The following PIP4P1 variants were observed in gnomAD, a reference collection of about 807,000 sequenced individuals.
PIP4P1 encodes type 1 phosphatidylinositol 4,5-bisphosphate 4-phosphatase.
In PIP4P1, 14 loss-of-function variants were observed where a neutral mutation model predicts 32.3. That is an observed-to-expected ratio of 0.43 (90% CI 0.29 to 0.68). The LOEUF (loss-of-function observed/expected upper bound fraction) is 0.68, where lower values mean the gene tolerates loss of function less well. PIP4P1 is among the 30% of genes least tolerant of loss of function. The pLI is 0.15. For missense variants in PIP4P1, 289 were observed against 364.5 expected (o/e 0.79, Z 1.69); for synonymous variants, 132 against 137.9 (o/e 0.96, Z 0.30).
At chr14:20,459,758 T>C in intron 3 of PIP4P1, 25 bp from the exon 4 acceptor site, 3 of 1,599,234 alleles carry the variant, frequency 1.9e-6, no homozygotes, top group African/African-American at 1.3e-5. Context: ...AAGACTTGTA[T>C]TTTCAAACTT....
intron 1 of PIP4P1, 168 bp from the exon 2 acceptor site, chr14:20,461,013 G>T: frequency 8.1e-7 from 1 of 1,241,758 alleles, no homozygotes; most frequent in Non-Finnish European, 1.0e-6. Flanking sequence ...CCTAGGCTGT[G>T]GTCGCGATTA....
In PIP4P1 at chr14:20,461,355, G is replaced by A; in HGVS notation, c.-30C>T. The A allele has an allele frequency of 1.6e-6, 2 of 1,263,180 alleles. No homozygotes were observed. The highest frequency in any genetic ancestry group is 3.0e-5 in the East Asian group (1 of 33,394). The allele number at this position is 1,263,180 out of a possible 1,614,324, so 78.2% of individuals were successfully genotyped here. On this transcript the variant is annotated 5_prime_UTR_variant, in exon 1 of 7. Coordinates refer to ENST00000250489, the MANE Select transcript of PIP4P1 (RefSeq NM_144568.4). ...GCCACCGCCGCCTCCCGCTCAGGTCGGCGATCCGGCTCCCTTCGCCTCTGC... is the reference window on the plus strand; with the variant it reads ...GCCACCGCCGCCTCCCGCTCAGGTCAGCGATCCGGCTCCCTTCGCCTCTGC...
At chr14:20,460,564 G>T in intron 2 of PIP4P1, 91 bp downstream of exon 2, 2 of 1,380,842 alleles carry the variant, frequency 1.4e-6, no homozygotes, top group Non-Finnish European at 2.0e-6. Flanking sequence ...AAAAGCACTT[G>T]GCTAATAGCC....
intron 2 of PIP4P1, 32 bp from the exon 3 acceptor site, chr14:20,460,330 C>T (rs1881654075): frequency 1.3e-6 from 2 of 1,505,852 alleles, no homozygotes; most frequent in Non-Finnish European, 1.8e-6. Context: ...AGCAAGCAAA[C>T]CTCTAATCCC....
At position 20,461,396 on chromosome 14, in the gene PIP4P1, C is replaced by G; in HGVS notation, c.-71G>C. On this transcript the variant is annotated 5_prime_UTR_variant, in exon 1 of 7. Transcript: ENST00000250489. ...TCGCCTCTGCCGTCGCCGCAGCCAC[C>G]GCCACCGCCGCCACCGCCACCGCCG... is the stretch of plus-strand genomic sequence containing the variant. The G allele has an allele frequency of 1.6e-6, 2 of 1,218,008 alleles. No homozygotes were observed. Among genetic ancestry groups the G allele is most frequent in the South Asian group, 4.0e-5 (1 of 24,898 alleles). The allele number at this position is 1,218,008 out of a possible 1,614,324, so 75.5% of individuals were successfully genotyped here.
In PIP4P1 at chr14:20,457,882, C is replaced by T; in HGVS notation, c.*677G>A. Reference sequence around the variant, plus strand: ...GTAGAGTCATGACCTTATTTATTTACAAGCACAGGATAAGTCCCTAACCTC... The same window carrying T: ...GTAGAGTCATGACCTTATTTATTTATAAGCACAGGATAAGTCCCTAACCTC... On this transcript the variant is annotated 3_prime_UTR_variant, in exon 7 of 7. Transcript: ENST00000250489. 1 of 351,446 alleles carries T rather than the reference C, an allele frequency of 2.8e-6. No homozygotes were observed. The highest frequency in any genetic ancestry group is 5.5e-6 in the Non-Finnish European group (1 of 183,004). The allele number at this position is 351,446 out of a possible 1,614,324, so 21.8% of individuals were successfully genotyped here. A position where few individuals can be genotyped will look rare whatever the true frequency, so the allele number is the denominator to read the frequency against.
intron 1 of PIP4P1, 127 bp downstream of exon 1, chr14:20,461,057 C>G: frequency 1.6e-6 from 2 of 1,281,834 alleles, no homozygotes; most frequent in Non-Finnish European, 9.9e-7. Flanking sequence ...GTCACAGGTG[C>G]AGCAGTCCCG....
chr14:20,458,214 C>T lies in PIP4P1; in HGVS notation c.*345G>A. Reference sequence around the variant, plus strand: ...GGGGAACCCCCAGGGCTACCCACCCCCACCCTGCCCTGGAATGTGTAAGGG... The same window carrying T: ...GGGGAACCCCCAGGGCTACCCACCCTCACCCTGCCCTGGAATGTGTAAGGG... On this transcript the variant is annotated 3_prime_UTR_variant, in exon 7 of 7. Transcript: ENST00000250489. 1 of 469,638 alleles carries T rather than the reference C, an allele frequency of 2.1e-6. No individual in the cohort carries two copies. Among genetic ancestry groups the T allele is most frequent in the African/African-American group, 2.0e-5 (1 of 50,868 alleles). 29.1% of individuals were successfully genotyped at this position (469,638 alleles called of 1,614,324 possible). A position where few individuals can be genotyped will look rare whatever the true frequency, so the allele number is the denominator to read the frequency against.
At position 20,460,800 on chromosome 14, in the gene PIP4P1, T is replaced by G; in HGVS notation, c.188A>C (p.Glu63Ala). 6.3e-7 allele frequency: 1 copy of G among 1,585,734 alleles called. No homozygotes were observed. The highest frequency in any genetic ancestry group is 1.2e-5 in the South Asian group (1 of 86,858). ...PEGHPAVLPG[E>A]DPPPYSPLTS... ...TAAGGGTGAATAGGGGGGTGGGTCC[T>G]CCCCAGGCAACACGGCTGGATGCCC... Residue 63 changes from glutamate to alanine, a missense_variant, in exon 2 of 7, where the codon GAG (glutamate) becomes GCG (alanine). By Grantham distance (107) the Glu-to-Ala change is moderately radical. Around this residue, in one of 2 missense-constraint regions of PIP4P1, gnomAD observed 108 missense variants for 101.2 expected, o/e 1.07. Transcript: ENST00000250489.
Position 20,460,316 on chromosome 14 carries a change from C to G in PIP4P1, c.334-18G>C. 6.3e-7 allele frequency: 1 copy of G among 1,576,504 alleles called. No individual in the cohort carries two copies. The highest frequency in any genetic ancestry group is 8.7e-7 in the Non-Finnish European group (1 of 1,147,976). ...TTGATTGGCTAGAGAATAATAGGGT[C>G]ATCAGCAAGCAAACCTCTAATCCCA... is the stretch of plus-strand genomic sequence containing the variant. On this transcript the variant is annotated intron_variant, in intron 2 of 6. Transcript: ENST00000250489.
At position 20,461,394 on chromosome 14, in the gene PIP4P1, A is replaced by T; in HGVS notation, c.-69T>A. The T allele has an allele frequency of 8.1e-7, 1 of 1,227,610 alleles. No individual in the cohort carries two copies. The highest frequency in any genetic ancestry group is 1.0e-6 in the Non-Finnish European group (1 of 983,744). The allele number at this position is 1,227,610 out of a possible 1,614,324, so 76.0% of individuals were successfully genotyped here. ...CTTCGCCTCTGCCGTCGCCGCAGCC[A>T]CCGCCACCGCCGCCACCGCCACCGC... On this transcript the variant is annotated 5_prime_UTR_variant, in exon 1 of 7. Coordinates refer to ENST00000250489, the MANE Select transcript of PIP4P1 (RefSeq NM_144568.4).
chr14:20,459,732 T>G lies in PIP4P1; in HGVS notation c.442A>C (p.Lys148Gln). Residue 148 changes from lysine (K) to glutamine (Q), a missense_variant and splice_region_variant, in exon 4 of 7, where the codon AAA becomes CAA. Transcript: ENST00000250489. ...ACAGGCCCCAGGTTGATGATTCTTT[T>G]GCTATACAAAAGAAAAAGACTTGTA... ...QRIACPRPYC[K>Q]RIINLGPVHP... 2 of 1,611,898 alleles carry G rather than the reference T, an allele frequency of 1.2e-6. No individual in the cohort carries two copies.
In PIP4P1 at chr14:20,459,733, G is replaced by A; in HGVS notation, c.441C>T (p.Cys147=). 2.5e-6 allele frequency: 4 copies of A among 1,612,014 alleles called. No individual in the cohort carries two copies. The highest frequency in any genetic ancestry group is 3.4e-6 in the Non-Finnish European group (4 of 1,179,194). The part of the protein sequence containing the change: ...SQRIACPRPY[C]KRIINLGPVH... ...CAGGCCCCAGGTTGATGATTCTTTT[G>A]CTATACAAAAGAAAAAGACTTGTAT... The change falls in exon 4 of 7, where the codon TGC becomes TGT. Residue 147 remains cysteine, a splice_region_variant and synonymous_variant. Transcript: ENST00000250489.
In PIP4P1 at chr14:20,460,793, T is replaced by A; in HGVS notation, c.195A>T (p.Pro65=). Residue 65 remains proline, a synonymous_variant, in exon 2 of 7, where the codon CCA becomes CCT. Coordinates refer to ENST00000250489, the MANE Select transcript of PIP4P1 (RefSeq NM_144568.4). ...GHPAVLPGED[P]PPYSPLTSPD... ...GGCTAGTTAAGGGTGAATAGGGGGG[T>A]GGGTCCTCCCCAGGCAACACGGCTG... 6.3e-6 allele frequency: 10 copies of A among 1,597,540 alleles called. No homozygotes were observed. Among genetic ancestry groups the A allele is most frequent in the Non-Finnish European group, 8.5e-6 (10 of 1,172,666 alleles).
chr14:20,460,584 G>T, intron 2 of PIP4P1, 71 bp downstream of exon 2: 1 of 1,514,524 alleles, frequency 6.6e-7, no homozygotes, highest in Non-Finnish European at 9.0e-7. Context: ...CGGAAGGTCA[G>T]GGTCTAGAAC....
chr14:20,458,761 C>T, intron 6 of PIP4P1, 59 bp from the exon 7 acceptor site: 1 of 1,563,682 alleles, frequency 6.4e-7, no homozygotes, highest in Admixed American at 1.9e-5. Flanking sequence ...GTCTCCACTA[C>T]CTCCTATTAG....
chr14:20,461,421 G>T lies in PIP4P1; in HGVS notation c.-96C>A, dbSNP rs889341249. 1.6e-4 allele frequency: 192 copies of T among 1,193,626 alleles called. No homozygotes were observed. The highest frequency in any genetic ancestry group is 1.9e-4 in the Non-Finnish European group (184 of 953,314). The allele number at this position is 1,193,626 out of a possible 1,614,324, so 73.9% of individuals were successfully genotyped here. On this transcript the variant is annotated 5_prime_UTR_variant, in exon 1 of 7. Transcript: ENST00000250489. The stretch of plus-strand genomic sequence containing the variant: ...CGCCACCGCCGCCACCGCCACCGCC[G>T]CTACCGGGTCCCCAGGGCGCCTGCG...
intron 1 of PIP4P1, 130 bp downstream of exon 1, chr14:20,461,054 G>C: frequency 7.8e-7 from 1 of 1,285,834 alleles, no homozygotes. Context: ...CCAGTCACAG[G>C]TGCAGCAGTC....
Position 20,459,443 on chromosome 14 carries a change from A to G in PIP4P1, c.547-3T>C. The G allele has an allele frequency of 6.2e-7, 1 of 1,614,184 alleles. No individual in the cohort carries two copies. The highest frequency in any genetic ancestry group is 8.5e-7 in the Non-Finnish European group (1 of 1,180,030). The stretch of plus-strand genomic sequence containing the variant: ...GTGCGGTCTGTGAACTCTGTCCACT[A>G]TGGAGAAAGAAAACAAAAATAATAG... On this transcript the variant is annotated splice_region_variant and splice_polypyrimidine_tract_variant and intron_variant, in intron 4 of 6. Transcript: ENST00000250489.
Sources: allele counts gnomAD v4.1 joint callset, GRCh38; gene constraint gnomAD v4.1.1; regional missense constraint gnomAD v4.1.1; transcripts MANE v1.5; gene names NCBI Gene and HGNC (gene_info 2026-07-23, HGNC 2026-07-21).